FGF14: variants seen among roughly 807,000 people sequenced by gnomAD.
The protein encoded by FGF14 is fibroblast growth factor homologous factor 4.
A neutral mutation model predicts 25.5 loss-of-function variants in FGF14; 5 were observed. The ratio of observed to expected loss-of-function variants is 0.20; its 90% confidence interval spans 0.10 to 0.41. FGF14 has a LOEUF of 0.41. FGF14 is among the 10% of genes least tolerant of loss of function. The probability of loss-of-function intolerance (pLI) is 1.00; values close to 1 mark genes in which losing one functional copy is unlikely to be tolerated. For synonymous variants in FGF14, 138 were observed against 118.3 expected, an observed-to-expected ratio of 1.17 and a Z score of -1.08; for missense variants, 222 against 320.1, an observed-to-expected ratio of 0.69 and a Z score of 2.34.
intron 1 of FGF14, among the ~76,000 whole-genome samples, chr13:102,301,826 T>TCACACACACACACA (rs3066038): frequency 0.01 from 1,459 of 140,024 alleles, 14 homozygotes; most frequent in Middle Eastern, 0.021. Context: ...TTCCTGTACT[T>TCACACACACACACA]CACACACACA....
At chr13:101,932,317 G>A (rs1018036701) in intron 1 of FGF14, among the ~76,000 whole-genome samples, 1 of 151,974 alleles carries the variant, frequency 6.6e-6, no homozygotes, top group Non-Finnish European at 1.5e-5. Flanking sequence ...ATCACCTGAG[G>A]TCAGAAGTTT....
In FGF14 at chr13:101,713,171, A is replaced by G. The variant is rs890220015; in HGVS notation, c.*9660T>C. On this transcript the variant is annotated 3_prime_UTR_variant, in exon 5 of 5. Transcript: ENST00000376143. ...TTGGGGATTTTTGCAGCTGAAATGCATATACCAGTTTCCCTGATATGAAAT... is the reference window on the plus strand; with the variant it reads ...TTGGGGATTTTTGCAGCTGAAATGCGTATACCAGTTTCCCTGATATGAAAT... 1.3e-5 allele frequency: 2 copies of G among 152,348 alleles called. No individual in the cohort carries two copies. Among genetic ancestry groups the G allele is most frequent in the South Asian group, 4.1e-4 (2 of 4,828 alleles). 9.4% of individuals were successfully genotyped at this position (152,348 alleles called of 1,614,324 possible).
At chr13:102,179,130 C>G (rs905528033) in intron 1 of FGF14, among the ~76,000 whole-genome samples, 1 of 152,096 alleles carries the variant, frequency 6.6e-6, no homozygotes, top group African/African-American at 2.4e-5. Flanking sequence ...AGCAGAGAAG[C>G]GAGTCGTAAC....
At chr13:101,985,676 G>A (rs73569556) in intron 1 of FGF14, among the ~76,000 whole-genome samples, 4,830 of 151,994 alleles carry the variant, frequency 0.032, 234 homozygotes, top group African/African-American at 0.11. Flanking sequence ...TTTATCTCTC[G>A]CTCTTTTTCC....
At chr13:102,176,551 T>C (rs1322961295) in intron 1 of FGF14, among the ~76,000 whole-genome samples, 2 of 152,154 alleles carry the variant, frequency 1.3e-5, no homozygotes, top group East Asian at 1.9e-4. Context: ...AACCTACACA[T>C]ATACCCACTT....
At chr13:101,726,831 A>C (rs111758369) in intron 3 of FGF14, 21 bp from the exon 4 acceptor site, 7 of 1,564,284 alleles carry the variant, frequency 4.5e-6, no homozygotes, top group African/African-American at 4.1e-5. Context: ...AAAATGAAAC[A>C]AAAGTTAGAG....
At chr13:102,200,114 A>G (rs1490760837) in intron 1 of FGF14, among the ~76,000 whole-genome samples, 1 of 152,190 alleles carries the variant, frequency 6.6e-6, no homozygotes, top group Non-Finnish European at 1.5e-5. Flanking sequence ...AGTTGCTAAT[A>G]GGGATTAAAT....
At chr13:102,236,020 T>C (rs2051311816) in intron 1 of FGF14, among the ~76,000 whole-genome samples, 1 of 152,198 alleles carries the variant, frequency 6.6e-6, no homozygotes, top group Admixed American at 6.5e-5. Context: ...TGGAAGATAA[T>C]AGTTACACAA....
intron 1 of FGF14, among the ~76,000 whole-genome samples, chr13:102,340,912 C>T (rs2056930602): frequency 6.6e-6 from 1 of 152,188 alleles, no homozygotes; most frequent in South Asian, 2.1e-4. Flanking sequence ...CTACTATCTG[C>T]TCATCACTGA....
At chr13:101,880,330 G>A (rs1012786192) in intron 1 of FGF14, among the ~76,000 whole-genome samples, 16 of 152,250 alleles carry the variant, frequency 1.1e-4, no homozygotes, top group Non-Finnish European at 2.2e-4. Context: ...CACTTTGGGA[G>A]GCTGAGGTGG....
chr13:101,756,755 C>A (rs575685645), intron 3 of FGF14, among the ~76,000 whole-genome samples: 4 of 149,346 alleles, frequency 2.7e-5, no homozygotes, highest in African/African-American at 1.0e-4. Context: ...AAACAAAAAA[C>A]AAACAAACAA....
chr13:102,076,894 TTAAA>T (rs1566654999), intron 1 of FGF14, among the ~76,000 whole-genome samples: 3 of 151,966 alleles, frequency 2.0e-5, no homozygotes, highest in Non-Finnish European at 2.9e-5. Context: ...GCTATAGTGA[TTAAA>T]ACAGCAAAGT....
chr13:101,952,411 TAC>T (rs1491481375), intron 1 of FGF14, among the ~76,000 whole-genome samples: 4 of 124,590 alleles, frequency 3.2e-5, no homozygotes, highest in Non-Finnish European at 4.8e-5. Flanking sequence ...CGTTTTTGGC[TAC>T]TTTTTTTTTT....
intron 3 of FGF14, among the ~76,000 whole-genome samples, chr13:101,821,139 A>G (rs567207557): frequency 5.9e-4 from 89 of 152,022 alleles, no homozygotes; most frequent in South Asian, 5.4e-3. Context: ...TAGTAGAGAC[A>G]GGGTTTCACC....
chr13:102,118,054 A>C (rs2045555096), intron 1 of FGF14, among the ~76,000 whole-genome samples: 1 of 152,164 alleles, frequency 6.6e-6, no homozygotes, highest in South Asian at 2.1e-4. Context: ...ATCACAAGAG[A>C]ACATAATTAT....
At chr13:102,135,017 C>CCACACACACACACACACA (rs71125050) in intron 1 of FGF14, among the ~76,000 whole-genome samples, 1 of 142,548 alleles carries the variant, frequency 7.0e-6, no homozygotes, top group African/African-American at 2.6e-5. Context: ...GACCCCGTGT[C>CCACACACACACACACACA]CACACACACA....
chr13:102,324,900 G>A (rs952846896), intron 1 of FGF14, among the ~76,000 whole-genome samples: 3 of 152,028 alleles, frequency 2.0e-5, no homozygotes, highest in African/African-American at 7.2e-5. Flanking sequence ...CATATCGCCT[G>A]CTAACCATTA....
intron 1 of FGF14, among the ~76,000 whole-genome samples, chr13:101,926,823 T>C (rs1057338590): frequency 5.3e-5 from 8 of 152,214 alleles, no homozygotes; most frequent in Non-Finnish European, 1.0e-4. Flanking sequence ...TCTTTCCTTT[T>C]AGAAATTTAG....
intron 1 of FGF14, among the ~76,000 whole-genome samples, chr13:102,225,292 C>A (rs2050783594): frequency 6.6e-6 from 1 of 152,120 alleles, no homozygotes; most frequent in African/African-American, 2.4e-5. Context: ...CTGACTTTCC[C>A]CTAAATCTCC....
Sources: gnomAD v4.1 joint callset for allele counts (sites outside exome capture counted in the v4.1 genomes callset) on GRCh38, gnomAD v4.1.1 for gene constraint, MANE v1.5 for transcripts, NCBI Gene and HGNC (gene_info 2026-07-23, HGNC 2026-07-21) for gene names.